QKI: variants seen among roughly 807,000 people sequenced by gnomAD.
QKI encodes KH domain-containing RNA-binding protein QKI.
In QKI, 10 loss-of-function variants were observed where a neutral mutation model predicts 39.0. The observed-to-expected ratio is 0.26, with a 90% CI of 0.16 to 0.43. The LOEUF (loss-of-function observed/expected upper bound fraction) is 0.43. Among genes scored for constraint, QKI ranks in the 20% least tolerant of loss-of-function variants. The pLI, the probability that QKI is intolerant of heterozygous loss-of-function variation, is 1.00. For synonymous variants in QKI, 204 were observed against 155.4 expected (o/e 1.31, Z -2.33); for missense variants, 218 against 428.0 (o/e 0.51, Z 4.33).
chr6:163,569,586 A>G (rs1360445495), intron 7 of QKI: 9 of 1,096,428 alleles, frequency 8.2e-6, no homozygotes, highest in East Asian at 9.1e-5. Context: ...TAAGGAAGGA[A>G]CAACTCAAGG....
chr6:163,430,205 A>G (rs1242533278), intron 1 of QKI, among the ~76,000 whole-genome samples: 1 of 152,048 alleles, frequency 6.6e-6, no homozygotes, highest in Admixed American at 6.6e-5. Flanking sequence ...ATCTGCCTCC[A>G]TATTTCTGTT....
intron 3 of QKI, among the ~76,000 whole-genome samples, chr6:163,506,137 C>G (rs980918593): frequency 4.0e-5 from 6 of 151,730 alleles, no homozygotes; most frequent in African/African-American, 7.3e-5. Flanking sequence ...TTTCTGAGGC[C>G]TCTCCAGCCA....
chr6:163,486,711 T>G (rs1777703981), intron 3 of QKI, among the ~76,000 whole-genome samples: 1 of 152,198 alleles, frequency 6.6e-6, no homozygotes, highest in African/African-American at 2.4e-5. Flanking sequence ...TTGTTTATAG[T>G]TTGGTATGTC....
chr6:163,450,314 T>A, intron 1 of QKI, among the ~76,000 whole-genome samples: 1 of 152,138 alleles, frequency 6.6e-6, no homozygotes. Context: ...CACCTCGGCC[T>A]CCCAAATTGT....
chr6:163,450,117 G>A (rs1790443727), intron 1 of QKI, among the ~76,000 whole-genome samples: 1 of 151,984 alleles, frequency 6.6e-6, no homozygotes, highest in Non-Finnish European at 1.5e-5. Flanking sequence ...TAGTGCAGTG[G>A]CATGATCTCA....
At chr6:163,545,282 T>C (rs574057718) in intron 4 of QKI, among the ~76,000 whole-genome samples, 1 of 152,256 alleles carries the variant, frequency 6.6e-6, no homozygotes, top group South Asian at 2.1e-4. Context: ...ATATTCTATC[T>C]CCACATTTTA....
Position 163,494,668 on chromosome 6 carries a change from G to T in QKI, c.402+15772G>T, listed in dbSNP as rs199990661. ...CGTTTTGGGTTTTTTTTTTGTTTTT[G>T]TTGTTGTTGTTGTTATTGTTGTTTT... is the stretch of plus-strand genomic sequence containing the variant. On this transcript the variant is annotated intron_variant, in intron 3 of 7. Coordinates refer to ENST00000361752, the MANE Select transcript of QKI (RefSeq NM_006775.3). 1.8e-4 allele frequency among the ~76,000 whole-genome samples: 10 copies of T among 56,580 alleles called. No homozygotes were observed. The East Asian group carries it at 0.062, about 354-fold the overall frequency. 37.1% of individuals were successfully genotyped at this position (56,580 alleles called of 152,430 possible). A position where few individuals can be genotyped will look rare whatever the true frequency, so the allele number is the denominator to read the frequency against.
intron 4 of QKI, among the ~76,000 whole-genome samples, chr6:163,540,974 A>AT (rs1276372305): frequency 2.0e-5 from 3 of 151,058 alleles, no homozygotes; most frequent in Admixed American, 2.0e-4. Flanking sequence ...ATTTTTCTCA[A>AT]TTTTTTTTCT....
At chr6:163,560,955 C>G (rs1243671105) in intron 4 of QKI, among the ~76,000 whole-genome samples, 1 of 152,084 alleles carries the variant, frequency 6.6e-6, no homozygotes, top group Admixed American at 6.6e-5. Context: ...AGAGACTATC[C>G]TGATTTAGGT....
At chr6:163,560,587 A>G (rs944472652) in intron 4 of QKI, among the ~76,000 whole-genome samples, 2 of 152,272 alleles carry the variant, frequency 1.3e-5, no homozygotes, top group Middle Eastern at 3.4e-3. Context: ...ACAGAGATGA[A>G]TGGTGGAGAG....
intron 1 of QKI, among the ~76,000 whole-genome samples, chr6:163,442,866 T>C (rs1449542540): frequency 6.6e-6 from 1 of 152,204 alleles, no homozygotes; most frequent in East Asian, 1.9e-4. Flanking sequence ...ATATAGTATT[T>C]AGCTTCTAAT....
At chr6:163,424,388 T>C (rs1389597795) in intron 1 of QKI, among the ~76,000 whole-genome samples, 1 of 152,222 alleles carries the variant, frequency 6.6e-6, no homozygotes, top group East Asian at 1.9e-4. Flanking sequence ...TTTTTGTGCA[T>C]ATGCTAATGA....
At chr6:163,484,340 G>C (rs2759382) in intron 3 of QKI, among the ~76,000 whole-genome samples, 125,579 of 151,922 alleles carry the variant, frequency 0.83, 52,283 homozygotes, top group East Asian at 1. Flanking sequence ...GCTGGGGTTA[G>C]AGGCATGCAC....
At chr6:163,433,826 A>G (rs1487938303) in intron 1 of QKI, among the ~76,000 whole-genome samples, 1 of 152,200 alleles carries the variant, frequency 6.6e-6, no homozygotes, top group Admixed American at 6.5e-5. Context: ...AATGCTACCT[A>G]TAAGGTTAAA....
At chr6:163,540,263 A>G (rs1418750552) in intron 4 of QKI, among the ~76,000 whole-genome samples, 2 of 152,130 alleles carry the variant, frequency 1.3e-5, no homozygotes, top group Admixed American at 6.5e-5. Context: ...AGGGAGGGGC[A>G]GACTTTTTGC....
chr6:163,493,465 T>A (rs531455698), intron 3 of QKI, among the ~76,000 whole-genome samples: 1 of 152,342 alleles, frequency 6.6e-6, no homozygotes, highest in East Asian at 1.9e-4. Flanking sequence ...AGCATTTAAT[T>A]GTACATATGT....
chr6:163,415,980 G>A (rs372995396), intron 1 of QKI: 1 of 488,652 alleles, frequency 2.0e-6, no homozygotes, highest in South Asian at 1.5e-5. Context: ...ACTAAGTGAC[G>A]GCGAAAAGCA....
intron 3 of QKI, among the ~76,000 whole-genome samples, chr6:163,534,181 T>C (rs1023021345): frequency 1.3e-5 from 2 of 152,190 alleles, no homozygotes; most frequent in Non-Finnish European, 2.9e-5. Context: ...TCCCTGTAGC[T>C]TAACCAGGTT....
chr6:163,564,028 C>A (rs1290478405), intron 6 of QKI: 2 of 1,166,254 alleles, frequency 1.7e-6, no homozygotes, highest in Non-Finnish European at 2.1e-6. Context: ...AGGTCCCACC[C>A]CATTGGCCCG....
Sources: allele counts gnomAD v4.1 joint callset (sites outside exome capture counted in the v4.1 genomes callset), GRCh38; gene constraint gnomAD v4.1.1; transcripts MANE v1.5; gene names NCBI Gene and HGNC (gene_info 2026-07-23, HGNC 2026-07-21).